AR: variants seen among roughly 807,000 people sequenced by gnomAD.
AR encodes androgen receptor, also known as dihydrotestosterone receptor.
In AR, 8 loss-of-function variants were observed where a neutral mutation model predicts 53.9. The observed-to-expected ratio is 0.15, with a 90% confidence interval of 0.09 to 0.27. The LOEUF (loss-of-function observed/expected upper bound fraction) is 0.27, where lower values mean the gene tolerates loss of function less well. AR is among the 10% of genes least tolerant of loss of function. The pLI is 1.00. For missense variants in AR, 639 were observed against 742.5 expected (o/e 0.86, Z 1.62); for synonymous variants, 359 against 316.4 (o/e 1.13, Z -1.43).
chrX:67,718,878 C>T (rs777650852), intron 5 of AR, among the ~76,000 whole-genome samples: 33 of 111,661 alleles, frequency 3.0e-4, no homozygotes, highest in Non-Finnish European at 5.1e-4. Context: ...ATGATCTGCC[C>T]GCCTCAGCCG....
chrX:67,688,318 T>C (rs1428652933), intron 3 of AR, among the ~76,000 whole-genome samples: 1 of 111,761 alleles, frequency 8.9e-6, no homozygotes, highest in Non-Finnish European at 1.9e-5. Context: ...TTATTTACTG[T>C]GTGCCCCTCT....
At chrX:67,685,181 A>G (rs1401989924) in intron 2 of AR, among the ~76,000 whole-genome samples, 1 of 111,686 alleles carries the variant, frequency 9.0e-6, no homozygotes, top group Non-Finnish European at 1.9e-5. Flanking sequence ...TGCTATATTT[A>G]CATGTTTAGT....
At chrX:67,723,546 C>CAT in intron 7 of AR, 140 bp from the exon 8 acceptor site, 1 of 662,309 alleles carries the variant, frequency 1.5e-6, no homozygotes, top group South Asian at 2.4e-5. Flanking sequence ...CACACGACCT[C>CAT]ATGGGGGAGG....
intron 1 of AR, among the ~76,000 whole-genome samples, chrX:67,642,937 G>A (rs1925861908): frequency 9.0e-6 from 1 of 111,449 alleles, no homozygotes; most frequent in Non-Finnish European, 1.9e-5. Flanking sequence ...TGAAAATGTT[G>A]CCTGGACACC....
intron 3 of AR, among the ~76,000 whole-genome samples, chrX:67,691,331 G>A (rs531588448): frequency 3.7e-4 from 42 of 112,262 alleles, no homozygotes; most frequent in African/African-American, 1.3e-3. Flanking sequence ...CTAGGCCAGT[G>A]TTTACTGGTA....
chrX:67,656,195 C>A (rs181355181), intron 2 of AR, among the ~76,000 whole-genome samples: 2 of 111,474 alleles, frequency 1.8e-5, no homozygotes, highest in East Asian at 5.7e-4. Flanking sequence ...GAGTAGTTTT[C>A]ACTCATTTAT....
chrX:67,558,102 C>A (rs911510775), intron 1 of AR, among the ~76,000 whole-genome samples: 2 of 111,853 alleles, frequency 1.8e-5, no homozygotes, highest in African/African-American at 6.5e-5. Context: ...TGGAAAGGGA[C>A]CTGGCTAAGC....
chrX:67,719,747 G>A (rs1436439150), intron 5 of AR, among the ~76,000 whole-genome samples: 3 of 112,175 alleles, frequency 2.7e-5, no homozygotes, highest in Admixed American at 9.4e-5. Context: ...CATTCTGACA[G>A]CCCAAACTGC....
At chrX:67,546,866 C>G (rs1244883083) in intron 1 of AR, 104 bp downstream of exon 1, 1 of 929,296 alleles carries the variant, frequency 1.1e-6, no homozygotes, top group Non-Finnish European at 1.5e-6. Flanking sequence ...TCAGATTGCC[C>G]CTGGGAGAGC....
chrX:67,716,450 G>A (rs1311354449), intron 4 of AR, among the ~76,000 whole-genome samples: 1 of 112,038 alleles, frequency 8.9e-6, no homozygotes, highest in African/African-American at 3.2e-5. Flanking sequence ...TGCATTCTAG[G>A]CAAAAGTAAC....
intron 6 of AR, 142 bp from the exon 7 acceptor site, chrX:67,722,685 C>T: frequency 1.5e-6 from 1 of 688,920 alleles, no homozygotes; most frequent in Non-Finnish European, 2.3e-6. Flanking sequence ...CCCAAGCACA[C>T]AGACTTCAAC....
chrX:67,723,573 G>A, intron 7 of AR, 113 bp from the exon 8 acceptor site: 1 of 840,411 alleles, frequency 1.2e-6, no homozygotes, highest in Non-Finnish European at 1.8e-6. Context: ...GAAGTACGGG[G>A]AAGGGGGAGG....
Position 67,637,694 on chromosome X carries a change from GT to G in AR, c.1617-5561del, listed in dbSNP as rs766982238. On this transcript the variant is annotated intron_variant, in intron 1 of 7. Coordinates refer to ENST00000374690, the MANE Select transcript of AR (RefSeq NM_000044.6). Reference sequence around the variant, plus strand: ...GTAGGCACAATGTTGTACAGCAGACGTCTAGAACTTTTTCTTCAGGCTTAAC... The same window carrying G: ...GTAGGCACAATGTTGTACAGCAGACGCTAGAACTTTTTCTTCAGGCTTAAC... Among the ~76,000 whole-genome samples the G allele has an allele frequency of 7.2e-5, 8 of 110,876 alleles. No individual in the cohort carries two copies. The East Asian group carries it at 2.0e-3, about 28-fold the overall frequency.
At chrX:67,585,469 C>T (rs1922499287) in intron 1 of AR, among the ~76,000 whole-genome samples, 1 of 111,629 alleles carries the variant, frequency 9.0e-6, no homozygotes, top group Non-Finnish European at 1.9e-5. Context: ...TCAGCTCTAT[C>T]AATCACTTGG....
chrX:67,662,154 A>G (rs1246920487), intron 2 of AR, among the ~76,000 whole-genome samples: 2 of 111,421 alleles, frequency 1.8e-5, no homozygotes, highest in African/African-American at 6.5e-5. Flanking sequence ...TCCTGGATTC[A>G]TTGATTTTTT....
chrX:67,576,491 G>A (rs1183188486), intron 1 of AR, among the ~76,000 whole-genome samples: 3 of 110,501 alleles, frequency 2.7e-5, no homozygotes, highest in Non-Finnish European at 5.7e-5. Context: ...TGTGCCTTGG[G>A]AGCTACAGTT....
Position 67,726,192 on chromosome X carries a change from G to A in AR, c.*2351G>A, listed in dbSNP as rs1217692770. The A allele has an allele frequency of 5.8e-6, 1 of 173,905 alleles. No individual in the cohort carries two copies. Among genetic ancestry groups the A allele is most frequent in the South Asian group, 3.1e-4 (1 of 3,184 alleles). 14.3% of individuals were successfully genotyped at this position (173,905 alleles called of 1,213,427 possible). A position where few individuals can be genotyped will look rare whatever the true frequency, so the allele number is the denominator to read the frequency against. ...TAAGATGAGTAATATGCCAATCCAA[G>A]ACTGCTGGAGAAAACTAAAGCTGAC... On this transcript the variant is annotated 3_prime_UTR_variant, in exon 8 of 8. Coordinates refer to ENST00000374690, the MANE Select transcript of AR (RefSeq NM_000044.6).
At chrX:67,582,661 G>A (rs979064762) in intron 1 of AR, among the ~76,000 whole-genome samples, 1 of 111,269 alleles carries the variant, frequency 9.0e-6, no homozygotes, top group African/African-American at 3.3e-5. Context: ...AATTGCCTAG[G>A]GAATCAAAAA....
intron 1 of AR, among the ~76,000 whole-genome samples, chrX:67,642,097 C>A (rs760088092): frequency 8.1e-5 from 9 of 111,542 alleles, no homozygotes; most frequent in African/African-American, 2.3e-4. Context: ...GTTGACACAA[C>A]AAACAGGCTC....
Sources: allele counts gnomAD v4.1 joint callset (sites outside exome capture counted in the v4.1 genomes callset), GRCh38; gene constraint gnomAD v4.1.1; transcripts MANE v1.5; gene names NCBI Gene and HGNC (gene_info 2026-07-23, HGNC 2026-07-21).